RBM47: variants seen among roughly 807,000 people sequenced by gnomAD.
RBM47 encodes RNA-binding protein 47.
Under a neutral mutation model 47.1 loss-of-function variants are expected in RBM47, and 21 were observed. The observed-to-expected ratio is 0.45, with a 90% CI of 0.32 to 0.64. The LOEUF is 0.64. Among genes scored for constraint, RBM47 ranks in the 30% least tolerant of loss-of-function variants. The pLI, the probability that RBM47 is intolerant of heterozygous loss-of-function variation, is 0.05. For synonymous variants in RBM47, 375 were observed against 361.7 expected (o/e 1.04, Z -0.42); for missense variants, 708 against 870.9 (o/e 0.81, Z 2.35).
In RBM47 at chr4:40,595,965, G is replaced by GTATCTAT. The variant is rs548326598; in HGVS notation, c.-240+33424_-240+33430dup. Reference sequence around the variant, plus strand: ...TCAATTACTTTTTGCTGGTCTTCATGTATCTATCTGCAGCCAGTGTGGACG... The same window carrying GTATCTAT: ...TCAATTACTTTTTGCTGGTCTTCATGTATCTATTATCTATCTGCAGCCAGTGTGGACG... On this transcript the variant is annotated intron_variant, in intron 1 of 6. Coordinates refer to ENST00000295971, the MANE Select transcript of RBM47 (RefSeq NM_001098634.2). Among the ~76,000 whole-genome samples the GTATCTAT allele has an allele frequency of 1.6e-4, 25 of 152,132 alleles. No individual in the cohort carries two copies. In the East Asian group the frequency reaches 3.7e-3, roughly 22 times the overall value.
Position 40,521,036 on chromosome 4 carries a change from A to G in RBM47, c.-155+23386T>C, listed in dbSNP as rs1271734015. ...TTCTAGCCGTGTGAGAGGCAGTGCC[A>G]CCAAAGTATACTAGTAATTGTGGCA... On this transcript the variant is annotated intron_variant, in intron 2 of 6. Transcript: ENST00000295971. Among the ~76,000 whole-genome samples, 4 of 152,334 alleles carry G rather than the reference A, an allele frequency of 2.6e-5. No individual in the cohort carries two copies. The East Asian group carries it at 7.7e-4, about 29-fold the overall frequency.
At chr4:40,551,971 A>T (rs1302305657) in intron 1 of RBM47, among the ~76,000 whole-genome samples, 1 of 152,190 alleles carries the variant, frequency 6.6e-6, no homozygotes, top group Non-Finnish European at 1.5e-5. Context: ...CAAAAGTTAC[A>T]CTAAAAGAAG....
At chr4:40,583,796 T>C (rs1733246458) in intron 1 of RBM47, among the ~76,000 whole-genome samples, 1 of 146,842 alleles carries the variant, frequency 6.8e-6, no homozygotes, top group Non-Finnish European at 1.5e-5. Flanking sequence ...AGGCAGAGCT[T>C]GCAGTGAGCC....
intron 2 of RBM47, among the ~76,000 whole-genome samples, chr4:40,526,506 T>G (rs1434596617): frequency 1.3e-5 from 2 of 152,132 alleles, no homozygotes; most frequent in Non-Finnish European, 1.5e-5. Flanking sequence ...CTATAGGCTT[T>G]GCAAGCCATG....
chr4:40,468,366 T>G (rs1435738557), intron 2 of RBM47, among the ~76,000 whole-genome samples: 1 of 152,202 alleles, frequency 6.6e-6, no homozygotes, highest in East Asian at 1.9e-4. Context: ...TTGTGTTTGT[T>G]TTTTCTTTGT....
intron 1 of RBM47, among the ~76,000 whole-genome samples, chr4:40,590,627 C>T (rs1016184957): frequency 6.6e-6 from 1 of 152,102 alleles, no homozygotes; most frequent in African/African-American, 2.4e-5. Context: ...GCCCAAAGGG[C>T]GGAACAACCC....
chr4:40,614,560 G>T (rs1736545595), intron 1 of RBM47, among the ~76,000 whole-genome samples: 1 of 151,854 alleles, frequency 6.6e-6, no homozygotes, highest in African/African-American at 2.4e-5. Context: ...TTGGCCAGGG[G>T]CAGTGGCTCA....
At chr4:40,581,199 G>A (rs1459893552) in intron 1 of RBM47, among the ~76,000 whole-genome samples, 4 of 152,028 alleles carry the variant, frequency 2.6e-5, no homozygotes, top group African/African-American at 9.7e-5. Flanking sequence ...AGATGGGAAG[G>A]TTGCTTGAGT....
intron 1 of RBM47, among the ~76,000 whole-genome samples, chr4:40,592,973 ATATATATTTTTTTTTTTTTTT>A (rs1734366691): frequency 1.1e-4 from 2 of 17,978 alleles, no homozygotes; most frequent in African/African-American, 5.2e-4. Context: ...ATATATATAT[ATATATATTTTTTTTTTTTTTT>A]TTTTTTTTTT....
intron 6 of RBM47, among the ~76,000 whole-genome samples, chr4:40,431,523 T>C (rs552130997): frequency 1.3e-4 from 20 of 152,162 alleles, no homozygotes; most frequent in Non-Finnish European, 2.6e-4. Context: ...CCGGGCATGG[T>C]GGCGTGCGCC....
intron 2 of RBM47, among the ~76,000 whole-genome samples, chr4:40,478,932 T>C (rs1227057522): frequency 6.6e-6 from 1 of 152,274 alleles, no homozygotes; most frequent in African/African-American, 2.4e-5. Flanking sequence ...TGAAACTGTT[T>C]ATTGTATTAA....
chr4:40,521,383 T>C (rs1726176636), intron 2 of RBM47, among the ~76,000 whole-genome samples: 1 of 152,058 alleles, frequency 6.6e-6, no homozygotes, highest in Non-Finnish European at 1.5e-5. Flanking sequence ...GTATTTTTAG[T>C]AGAGATGGGG....
At chr4:40,568,950 C>A (rs1731381493) in intron 1 of RBM47, among the ~76,000 whole-genome samples, 1 of 151,038 alleles carries the variant, frequency 6.6e-6, no homozygotes, top group Non-Finnish European at 1.5e-5. Context: ...CATTGCACTC[C>A]AGCCTGGGCG....
At chr4:40,567,442 G>C (rs562069652) in intron 1 of RBM47, among the ~76,000 whole-genome samples, 1 of 152,118 alleles carries the variant, frequency 6.6e-6, no homozygotes, top group African/African-American at 2.4e-5. Context: ...GGACAAAACT[G>C]TATCTTTGAA....
At chr4:40,595,562 G>C (rs536834507) in intron 1 of RBM47, among the ~76,000 whole-genome samples, 2 of 152,164 alleles carry the variant, frequency 1.3e-5, no homozygotes, top group South Asian at 4.2e-4. Context: ...AAAAGAAATG[G>C]AAATCACCCT....
Position 40,438,735 on chromosome 4 carries a change from G to C in RBM47, c.159C>G (p.Arg53=). ...AGCCGGGCGGTGGGCCGCCGTACTT[G>C]CGCTGCCCGTTCTCTTGCACCATGC... ...GYSMVQENGQ[R]KYGGPPPGWE... Residue 53 remains arginine (R), a synonymous_variant, in exon 4 of 7, where the codon CGC becomes CGG. Transcript: ENST00000295971. 1.2e-6 allele frequency: 2 copies of C among 1,603,520 alleles called. No homozygotes were observed. The highest frequency in any genetic ancestry group is 1.7e-6 in the Non-Finnish European group (2 of 1,177,006).
At chr4:40,545,052 T>C in intron 1 of RBM47, among the ~76,000 whole-genome samples, 1 of 97,620 alleles carries the variant, frequency 1.0e-5, no homozygotes, top group South Asian at 4.6e-4. Context: ...GAGATCCTTT[T>C]TTTTTTTTTT....
At chr4:40,619,965 AG>A (rs1157736781) in intron 1 of RBM47, among the ~76,000 whole-genome samples, 1 of 152,180 alleles carries the variant, frequency 6.6e-6, no homozygotes, top group Non-Finnish European at 1.5e-5. Flanking sequence ...CGGGAGGCCG[AG>A]GCCGCGGATC....
At chr4:40,585,915 T>C (rs915251839) in intron 1 of RBM47, among the ~76,000 whole-genome samples, 6 of 152,196 alleles carry the variant, frequency 3.9e-5, no homozygotes, top group African/African-American at 1.4e-4. Context: ...AGAGTGGGCA[T>C]TCTGTGGAAG....
Sources: allele counts gnomAD v4.1 joint callset (sites outside exome capture counted in the v4.1 genomes callset), GRCh38; gene constraint gnomAD v4.1.1; transcripts MANE v1.5; gene names NCBI Gene and HGNC (gene_info 2026-07-23, HGNC 2026-07-21).